Variants in SSH2 observed in about 807,000 individuals in gnomAD.
SSH2 encodes the protein protein phosphatase Slingshot homolog 2.
SSH2 carries 37 observed loss-of-function variants against 135.2 expected under a neutral mutation model. That is an observed-to-expected ratio of 0.27 (90% confidence interval 0.21 to 0.36). SSH2 has a LOEUF of 0.36. Ranked by LOEUF, SSH2 falls within the 10% of genes least tolerant of loss-of-function variation. SSH2 has a pLI of 1.00. For synonymous variants in SSH2, 628 were observed against 646.2 expected, an observed-to-expected ratio of 0.97 and a Z score of 0.43; for missense variants, 1,408 against 1,765.3, an observed-to-expected ratio of 0.80 and a Z score of 3.63.
At chr17:29,779,297 T>C (rs1380014104) in intron 3 of SSH2, among the ~76,000 whole-genome samples, 1 of 152,162 alleles carries the variant, frequency 6.6e-6, no homozygotes, top group East Asian at 1.9e-4. Context: ...AATACTTCAG[T>C]GAAATGAAAA....
Position 29,659,521 on chromosome 17 carries a change from CATTTT to C in SSH2, c.1033-3919_1033-3915del, listed in dbSNP as rs578058830. Reference sequence around the variant, plus strand: ...TGTTCATATCTTCTGAAAAGGCAGACATTTTATTTTATTTTATTTTTGAGACGAGA... The same window carrying C: ...TGTTCATATCTTCTGAAAAGGCAGACATTTTATTTTATTTTTGAGACGAGA... On this transcript the variant is annotated intron_variant, in intron 11 of 15. Coordinates refer to ENST00000540801, the MANE Select transcript of SSH2 (RefSeq NM_001282129.2). 1.4e-4 allele frequency among the ~76,000 whole-genome samples: 21 copies of C among 152,190 alleles called. No individual in the cohort carries two copies. The East Asian group carries it at 3.1e-3, about 22-fold the overall frequency.
At chr17:29,922,104 G>A (rs771460596) in intron 1 of SSH2, among the ~76,000 whole-genome samples, 5 of 152,130 alleles carry the variant, frequency 3.3e-5, no homozygotes. Flanking sequence ...AAATAGTTAG[G>A]TAGAGAGATG....
At chr17:29,826,776 C>T (rs911993260) in intron 2 of SSH2, among the ~76,000 whole-genome samples, 1 of 152,120 alleles carries the variant, frequency 6.6e-6, no homozygotes, top group Non-Finnish European at 1.5e-5. Context: ...TCATGTGCCA[C>T]CATAATATCC....
At chr17:29,836,599 T>C (rs1428268973) in intron 2 of SSH2, among the ~76,000 whole-genome samples, 6 of 152,232 alleles carry the variant, frequency 3.9e-5, no homozygotes, top group Non-Finnish European at 8.8e-5. Context: ...TACTAACATT[T>C]GTTTTTACTA....
intron 3 of SSH2, among the ~76,000 whole-genome samples, chr17:29,738,009 T>C (rs1432921595): frequency 1.3e-5 from 2 of 152,192 alleles, no homozygotes; most frequent in African/African-American, 2.4e-5. Flanking sequence ...ACATGTGCCA[T>C]GTTGGTGTGC....
intron 3 of SSH2, among the ~76,000 whole-genome samples, chr17:29,756,037 A>G (rs1002682914): frequency 1.1e-4 from 17 of 150,540 alleles, no homozygotes; most frequent in African/African-American, 3.4e-4. Flanking sequence ...AGGCCGAGGC[A>G]GGCGGATCAC....
At chr17:29,729,593 C>T (rs530718482) in intron 3 of SSH2, among the ~76,000 whole-genome samples, 10 of 152,296 alleles carry the variant, frequency 6.6e-5, no homozygotes, top group African/African-American at 2.4e-4. Context: ...CTTCCATGTT[C>T]TTTGCAGCTC....
At chr17:29,723,103 T>C (rs1397605928) in intron 3 of SSH2, among the ~76,000 whole-genome samples, 1 of 152,162 alleles carries the variant, frequency 6.6e-6, no homozygotes, top group African/African-American at 2.4e-5. Context: ...CTTAGCTCTA[T>C]GCAAGATATC....
At chr17:29,820,005 A>C (rs577924368) in intron 2 of SSH2, among the ~76,000 whole-genome samples, 1 of 152,336 alleles carries the variant, frequency 6.6e-6, no homozygotes, top group South Asian at 2.1e-4. Flanking sequence ...ACATTTTTCC[A>C]GTGAAGTCAA....
chr17:29,757,773 T>G (rs543761291), intron 3 of SSH2, among the ~76,000 whole-genome samples: 4 of 20,600 alleles, frequency 1.9e-4, no homozygotes, highest in Non-Finnish European at 2.6e-4. Flanking sequence ...TTGAACCCAG[T>G]GGCAGGGGTG....
chr17:29,874,649 G>A (rs1403369289), intron 1 of SSH2, among the ~76,000 whole-genome samples: 1 of 152,034 alleles, frequency 6.6e-6, no homozygotes, highest in Non-Finnish European at 1.5e-5. Flanking sequence ...ATTTCCTGAG[G>A]CCTCCCCAGC....
chr17:29,919,080 G>A (rs1460801632), intron 1 of SSH2, among the ~76,000 whole-genome samples: 3 of 151,974 alleles, frequency 2.0e-5, no homozygotes, highest in Admixed American at 6.6e-5. Flanking sequence ...TTATGTATTT[G>A]TGACAACTAC....
intron 2 of SSH2, among the ~76,000 whole-genome samples, chr17:29,841,488 A>C (rs536199576): frequency 6.6e-6 from 1 of 152,230 alleles, no homozygotes; most frequent in South Asian, 2.1e-4. Flanking sequence ...TCATTTCAGT[A>C]TCTTGCTTTT....
chr17:29,701,063 C>T (rs751247774), intron 4 of SSH2, among the ~76,000 whole-genome samples: 49 of 152,026 alleles, frequency 3.2e-4, no homozygotes, highest in Middle Eastern at 3.2e-3. Flanking sequence ...CTCCGCCTCC[C>T]GGGTTCACAC....
rs547944209 is a variant in SSH2 at position 29,785,332 on chromosome 17, T to G, written c.188+8562A>C. 3.3e-5 allele frequency among the ~76,000 whole-genome samples: 5 copies of G among 152,162 alleles called. No individual in the cohort carries two copies. The South Asian group carries it at 1.0e-3, about 32-fold the overall frequency. The stretch of plus-strand genomic sequence containing the variant: ...AGATCTCAAAGTACTTTGTTTCCTA[T>G]CATAACTATTCACTATTCACCTTAA... On this transcript the variant is annotated intron_variant, in intron 3 of 15. Transcript: ENST00000540801.
chr17:29,709,009 T>TAA (rs1365233569), intron 3 of SSH2, among the ~76,000 whole-genome samples: 1 of 103,080 alleles, frequency 9.7e-6, no homozygotes, highest in Non-Finnish European at 2.2e-5. Flanking sequence ...TATATATATA[T>TAA]ATATATAGAG....
intron 3 of SSH2, among the ~76,000 whole-genome samples, chr17:29,785,726 C>G (rs1158939229): frequency 6.6e-6 from 1 of 150,904 alleles, no homozygotes; most frequent in African/African-American, 2.4e-5. Context: ...GTCTCGAACT[C>G]GTGACCTCGA....
chr17:29,665,038 A>G (rs976268775), intron 11 of SSH2, among the ~76,000 whole-genome samples: 1 of 152,182 alleles, frequency 6.6e-6, no homozygotes, highest in Non-Finnish European at 1.5e-5. Context: ...CAGTCACATG[A>G]GCTCCTTTTG....
At position 29,663,571 on chromosome 17, in the gene SSH2, C is replaced by G. The variant is rs181335945; in HGVS notation, c.1032+3296G>C. On this transcript the variant is annotated intron_variant, in intron 11 of 15. Coordinates refer to ENST00000540801, the MANE Select transcript of SSH2 (RefSeq NM_001282129.2). ...TCCTCAATTTTGAAGTTTTTTTTCC[C>G]CCAAATAAATATTCACAATAGAAAG... Among the ~76,000 whole-genome samples, 481 of 151,912 alleles carry G rather than the reference C, an allele frequency of 3.2e-3. 2 individuals are homozygous for G. The highest frequency in any genetic ancestry group is 0.011 in the African/African-American group (471 of 41,390).
Sources: gnomAD v4.1 joint callset for allele counts (sites outside exome capture counted in the v4.1 genomes callset) on GRCh38, gnomAD v4.1.1 for gene constraint, MANE v1.5 for transcripts, NCBI Gene and HGNC (gene_info 2026-07-23, HGNC 2026-07-21) for gene names.